Variants in LYST observed in about 807,000 individuals in gnomAD.
LYST encodes the protein lysosomal-trafficking regulator.
Under a neutral mutation model 413.6 loss-of-function variants are expected in LYST, and 192 were observed. The observed-to-expected ratio is 0.46, with a 90% CI of 0.41 to 0.52. The LOEUF (loss-of-function observed/expected upper bound fraction) is 0.52, where lower values mean the gene tolerates loss of function less well. Among genes scored for constraint, LYST ranks in the 20% least tolerant of loss-of-function variants. The pLI, the probability that LYST is intolerant of heterozygous loss-of-function variation, is 0.00. For missense variants in LYST, 3,815 were observed against 4,499.9 expected (o/e 0.85, Z 4.35); for synonymous variants, 1,525 against 1,567.3 (o/e 0.97, Z 0.64).
Position 235,686,910 on chromosome 1 carries a change from CAA to C in LYST, c.10800+37_10800+38del, listed in dbSNP as rs1558115819. ...ATAAAGGCTTTCTTCCCCTCATTGACAAAGTCCCATACTACCCACACAGAAGC... is the reference window on the plus strand; with the variant it reads ...ATAAAGGCTTTCTTCCCCTCATTGACAGTCCCATACTACCCACACAGAAGC... On this transcript the variant is annotated intron_variant, in intron 48 of 52. Transcript: ENST00000389793. This position sits in a 1 kb window ranked among gnomAD's most constrained non-coding sequence, Gnocchi z 4.0. 1 of 1,457,354 alleles carries C rather than the reference CAA, an allele frequency of 6.9e-7. No individual in the cohort carries two copies. The highest frequency in any genetic ancestry group is 9.6e-7 in the Non-Finnish European group (1 of 1,036,916). 90.3% of individuals were successfully genotyped at this position (1,457,354 alleles called of 1,614,324 possible).
chr1:235,792,884 G>A (rs951557353), intron 11 of LYST, among the ~76,000 whole-genome samples: 2 of 151,784 alleles, frequency 1.3e-5, no homozygotes, highest in Admixed American at 6.6e-5. Flanking sequence ...GGCTGGTCTC[G>A]AACACCTGAC....
intron 24 of LYST, 120 bp from the exon 25 acceptor site, chr1:235,755,767 G>A (rs1666983401): frequency 1.7e-6 from 1 of 605,956 alleles, no homozygotes. Context: ...AACACAGAAA[G>A]CTTAAAAAAA....
Position 235,686,805 on chromosome 1 carries a change from A to C in LYST, c.10800+144T>G, listed in dbSNP as rs1660257372. On this transcript the variant is annotated intron_variant, in intron 48 of 52. Coordinates refer to ENST00000389793, the MANE Select transcript of LYST (RefSeq NM_000081.4). The surrounding 1 kb of genome is among the most constrained non-coding windows in gnomAD (Gnocchi z 4.0). ...TTTTCATGATTCTAATAAACCCTAA[A>C]GCATTTTAAGACCTAATGTAGGGAG... is the stretch of plus-strand genomic sequence containing the variant. The C allele has an allele frequency of 4.2e-6, 3 of 711,672 alleles. No homozygotes were observed. The highest frequency in any genetic ancestry group is 7.6e-6 in the Non-Finnish European group (3 of 395,704). The allele number at this position is 711,672 out of a possible 1,614,324, so 44.1% of individuals were successfully genotyped here.
At chr1:235,703,385 A>G (rs1322528385) in intron 44 of LYST, among the ~76,000 whole-genome samples, 1 of 152,200 alleles carries the variant, frequency 6.6e-6, no homozygotes, top group Non-Finnish European at 1.5e-5. Flanking sequence ...TGGGGATAAA[A>G]CCAAAAGAGC....
intron 13 of LYST, among the ~76,000 whole-genome samples, chr1:235,788,303 G>A (rs1227244153): frequency 6.6e-6 from 1 of 152,028 alleles, no homozygotes; most frequent in East Asian, 1.9e-4. Flanking sequence ...GGGACTACAG[G>A]CATGCACCAT....
In LYST at chr1:235,781,840, GA is replaced by G. The variant is rs139179993; in HGVS notation, c.5023+86del. ...ACTTAGTTTAATATTTGTTAACTGAGAAAAAAAACTGGAAATGTTTCAAAGG... is the reference window on the plus strand; with the variant it reads ...ACTTAGTTTAATATTTGTTAACTGAGAAAAAAACTGGAAATGTTTCAAAGG... On this transcript the variant is annotated intron_variant, in intron 15 of 52. Transcript: ENST00000389793. The G allele has an allele frequency of 5.2e-3, 4,666 of 890,964 alleles. 22 individuals carry two copies. The highest frequency in any genetic ancestry group is 0.016 in the Middle Eastern group (63 of 3,878). The allele number at this position is 890,964 out of a possible 1,614,324, so 55.2% of individuals were successfully genotyped here. A position where few individuals can be genotyped will look rare whatever the true frequency, so the allele number is the denominator to read the frequency against.
chr1:235,852,671 T>C (rs530342427), intron 1 of LYST, among the ~76,000 whole-genome samples: 1 of 152,256 alleles, frequency 6.6e-6, no homozygotes, highest in Non-Finnish European at 1.5e-5. Flanking sequence ...AAGTGACAAG[T>C]TGATTGACAA....
intron 14 of LYST, among the ~76,000 whole-genome samples, chr1:235,783,575 C>A (rs1670092698): frequency 6.6e-6 from 1 of 151,964 alleles, no homozygotes; most frequent in South Asian, 2.1e-4. Context: ...GTGCAGCAAA[C>A]CACCATGGCA....
intron 50 of LYST, among the ~76,000 whole-genome samples, chr1:235,670,470 A>AT (rs1259333222): frequency 6.6e-6 from 1 of 152,208 alleles, no homozygotes; most frequent in Non-Finnish European, 1.5e-5. Context: ...CTGGGATCCC[A>AT]TTCTCCTCCG....
chr1:235,771,979 T>C (rs984250098), intron 19 of LYST, among the ~76,000 whole-genome samples: 2 of 149,398 alleles, frequency 1.3e-5, no homozygotes, highest in Non-Finnish European at 3.0e-5. Context: ...TCCCAGCACT[T>C]TGGGAGGCCA....
intron 3 of LYST, among the ~76,000 whole-genome samples, chr1:235,818,927 A>C (rs1275111557): frequency 6.6e-6 from 1 of 152,216 alleles, no homozygotes; most frequent in African/African-American, 2.4e-5. Context: ...TTCAAGGCTC[A>C]GACCCAGCAA....
chr1:235,882,077 T>TACACACACACACACAC (rs1558377526), intron 1 of LYST, among the ~76,000 whole-genome samples: 1 of 102,000 alleles, frequency 9.8e-6, no homozygotes, highest in African/African-American at 4.5e-5. Context: ...CACTCTTTCT[T>TACACACACACACACAC]TCACACACAC....
exon 1 of LYST, chr1:235,883,476 T>C (rs1335044642): frequency 3.9e-5 from 6 of 152,788 alleles, no homozygotes; most frequent in African/African-American, 7.2e-5. Flanking sequence ...CGGGAACAGA[T>C]GGTGAAGGCA....
In LYST at chr1:235,729,641, T is replaced by A; in HGVS notation, c.9061A>T (p.Ile3021Phe). Residue 3021 changes from isoleucine to phenylalanine, a missense_variant, in exon 37 of 53, where the codon ATC becomes TTC. By Grantham distance (21) the Ile-to-Phe change is conservative (BLOSUM62 0). Transcript: ENST00000389793. ...SESIRVNRRC[I>F]SVAPSRETAG... Reference sequence around the variant, plus strand: ...GTCTCTCTAGATGGTGCAACACTGATGCATCTTCGATTCACTCTGTCAAAA... The same window carrying A: ...GTCTCTCTAGATGGTGCAACACTGAAGCATCTTCGATTCACTCTGTCAAAA... The A allele has an allele frequency of 6.2e-7, 1 of 1,609,316 alleles. No individual in the cohort carries two copies. The highest frequency in any genetic ancestry group is 8.5e-7 in the Non-Finnish European group (1 of 1,175,828).
intron 3 of LYST, chr1:235,828,208 AAG>A (rs1675551408): frequency 1.1e-6 from 1 of 925,560 alleles, no homozygotes; most frequent in Admixed American, 6.2e-5. Flanking sequence ...CATGACATAA[AAG>A]AGAAAGCATA....
At chr1:235,735,272 T>C (rs1664723171) in intron 31 of LYST, 2 of 152,112 alleles carry the variant, frequency 1.3e-5, no homozygotes. Context: ...TCTTCTTCCT[T>C]TGGTGAAATT....
chr1:235,833,289 C>A (rs1047652325), intron 2 of LYST, among the ~76,000 whole-genome samples: 1 of 151,496 alleles, frequency 6.6e-6, no homozygotes, highest in African/African-American at 2.4e-5. Context: ...ATTTAAAGTA[C>A]CCAGAAACAA....
chr1:235,737,963 TCTC>T, intron 31 of LYST: 2 of 1,346,186 alleles, frequency 1.5e-6, no homozygotes, highest in African/African-American at 1.5e-5. Context: ...GGACGTGCAT[TCTC>T]GATTCCTTTT....
intron 1 of LYST, among the ~76,000 whole-genome samples, chr1:235,851,197 T>C (rs1678488520): frequency 6.6e-6 from 1 of 152,036 alleles, no homozygotes; most frequent in Non-Finnish European, 1.5e-5. Flanking sequence ...TGTATATATA[T>C]ATATATGATG....
Sources: allele counts gnomAD v4.1 joint callset (sites outside exome capture counted in the v4.1 genomes callset), GRCh38; gene constraint gnomAD v4.1.1; non-coding constraint Gnocchi (gnomAD v3.1); transcripts MANE v1.5; gene names NCBI Gene and HGNC (gene_info 2026-07-23, HGNC 2026-07-21).